ADCK1: variants seen among roughly 807,000 people sequenced by gnomAD.
ADCK1 encodes the protein aarF domain containing kinase 1, also known as aarF domain-containing protein kinase 1.
A neutral mutation model predicts 52.3 loss-of-function variants in ADCK1; 41 were observed. That is an observed-to-expected ratio of 0.78 (90% CI 0.61 to 1.02). The LOEUF (loss-of-function observed/expected upper bound fraction) is 1.02. ADCK1 is among the 50% of genes least tolerant of loss of function. The pLI, the probability that ADCK1 is intolerant of heterozygous loss-of-function variation, is 0.00. For missense variants in ADCK1, 658 were observed against 679.5 expected (o/e 0.97, Z 0.35); for synonymous variants, 250 against 274.6 (o/e 0.91, Z 0.89).
intron 7 of ADCK1, among the ~76,000 whole-genome samples, chr14:77,912,886 G>T (rs146124535): frequency 0.011 from 1,700 of 152,250 alleles, 33 homozygotes; most frequent in African/African-American, 0.038. Context: ...GGAAACAACA[G>T]TTTAGCAGGC....
intron 3 of ADCK1, among the ~76,000 whole-genome samples, chr14:77,828,818 C>A (rs908669737): frequency 1.3e-5 from 2 of 151,856 alleles, no homozygotes; most frequent in African/African-American, 4.8e-5. Flanking sequence ...TGAGCCACTG[C>A]GCCCAGCCAT....
At chr14:77,856,916 C>T (rs1244422547) in intron 3 of ADCK1, among the ~76,000 whole-genome samples, 1 of 151,920 alleles carries the variant, frequency 6.6e-6, no homozygotes, top group African/African-American at 2.4e-5. Context: ...GTAGGAGAAT[C>T]GCTTGTATCT....
At chr14:77,818,579 G>C (rs1448757859) in intron 1 of ADCK1, among the ~76,000 whole-genome samples, 1 of 152,144 alleles carries the variant, frequency 6.6e-6, no homozygotes, top group Non-Finnish European at 1.5e-5. Flanking sequence ...ACCATGCTCA[G>C]CCTCTCTCTG....
chr14:77,918,949 G>T (rs1208372410), intron 7 of ADCK1, among the ~76,000 whole-genome samples: 1 of 152,150 alleles, frequency 6.6e-6, no homozygotes, highest in Non-Finnish European at 1.5e-5. Context: ...CTGTTTTTCA[G>T]CTAATCCAGA....
In ADCK1 at chr14:77,887,269, C is replaced by T. The variant is rs1268382012; in HGVS notation, c.582+20C>T. Reference sequence around the variant, plus strand: ...ATGGAGGTGAGAGCCCTCCCTTTCTCCTTCCTGTGTCCTCAGTCTACATTT... The same window carrying T: ...ATGGAGGTGAGAGCCCTCCCTTTCTTCTTCCTGTGTCCTCAGTCTACATTT... On this transcript the variant is annotated intron_variant, in intron 5 of 10. Transcript: ENST00000238561. 3.2e-6 allele frequency: 5 copies of T among 1,541,718 alleles called. No homozygotes were observed. The East Asian group carries it at 7.1e-5, about 22-fold the overall frequency.
At chr14:77,928,704 C>G (rs1215581842) in intron 9 of ADCK1, among the ~76,000 whole-genome samples, 1 of 152,160 alleles carries the variant, frequency 6.6e-6, no homozygotes, top group African/African-American at 2.4e-5. Context: ...TTGTGATACA[C>G]CCATCTCGGC....
chr14:77,933,219 G>T lies in ADCK1; in HGVS notation c.1401-1G>T. On this transcript the variant is annotated splice_acceptor_variant, in intron 10 of 10. Coordinates refer to ENST00000238561, the MANE Select transcript of ADCK1 (RefSeq NM_020421.4). LOFTEE classifies it high-confidence loss of function. ...CTCCTTTTTTCTTTCCCTTTTTCCA[G>T]GCACAAGAAGAAGAATACCTGTTCA... 1.2e-6 allele frequency: 2 copies of T among 1,610,830 alleles called. No individual in the cohort carries two copies. Among genetic ancestry groups the T allele is most frequent in the Non-Finnish European group, 1.7e-6 (2 of 1,177,788 alleles).
Position 77,872,286 on chromosome 14 carries a change from C to A in ADCK1, c.423+13007C>A, listed in dbSNP as rs1174584630. Among the ~76,000 whole-genome samples, 3 of 152,290 alleles carry A rather than the reference C, an allele frequency of 2.0e-5. 1 individual carries two copies. In the South Asian group the frequency reaches 6.2e-4, roughly 32 times the overall value. On this transcript the variant is annotated intron_variant, in intron 4 of 10. Coordinates refer to ENST00000238561, the MANE Select transcript of ADCK1 (RefSeq NM_020421.4). ...AGCAGGATGGTGGCTGAGCCAGGAA[C>A]TGAGCTTGAGTGTCACCGGACTCCA...
intron 3 of ADCK1, among the ~76,000 whole-genome samples, chr14:77,837,153 C>CTT (rs148898631): frequency 0.12 from 16,344 of 140,844 alleles, 1,057 homozygotes; most frequent in Middle Eastern, 0.17. Flanking sequence ...CTTAAAAATT[C>CTT]TTTTTTTTTT....
In ADCK1 at chr14:77,903,680, C is replaced by A. The variant is rs182232113; in HGVS notation, c.742-4123C>A. Among the ~76,000 whole-genome samples, 134 of 152,122 alleles carry A rather than the reference C, an allele frequency of 8.8e-4. 2 individuals carry two copies. The highest frequency in any genetic ancestry group is 3.1e-3 in the African/African-American group (130 of 41,492). On this transcript the variant is annotated intron_variant, in intron 6 of 10. Coordinates refer to ENST00000238561, the MANE Select transcript of ADCK1 (RefSeq NM_020421.4). The stretch of plus-strand genomic sequence containing the variant: ...GGGTTTGGGACTGGAAGTGATGAGA[C>A]CATTTCTGTATGTGTGGAGGTGGGG...
At chr14:77,894,263 G>A (rs920051835) in intron 5 of ADCK1, among the ~76,000 whole-genome samples, 3 of 152,180 alleles carry the variant, frequency 2.0e-5, no homozygotes, top group Admixed American at 2.0e-4. Flanking sequence ...GGCAAGCTAT[G>A]TACATCACTC....
In ADCK1 at chr14:77,931,690, G is replaced by C. The variant is rs1351764518; in HGVS notation, c.1379G>C (p.Cys460Ser). The change falls in exon 10 of 11, where the codon TGC becomes TCC. Residue 460 changes from cysteine (C) to serine (S), a missense_variant. Physicochemically the swap from Cys to Ser is moderately radical, Grantham distance 112. Transcript: ENST00000238561. Reference protein sequence around the residue: ...SASSFLNMSRCCIRALAEHKK... With the variant: ...SASSFLNMSRSCIRALAEHKK... ...AGCTCCTTTCTCAACATGTCACGTT[G>C]CTGCATCAGAGCGCTAGCTGAGTGA... is the stretch of plus-strand genomic sequence containing the variant. 1 of 1,605,212 alleles carries C rather than the reference G, an allele frequency of 6.2e-7. No homozygotes were observed. Among genetic ancestry groups the C allele is most frequent in the Non-Finnish European group, 8.5e-7 (1 of 1,179,954 alleles).
intron 3 of ADCK1, among the ~76,000 whole-genome samples, chr14:77,825,236 G>A (rs942131344): frequency 2.0e-5 from 3 of 152,156 alleles, no homozygotes; most frequent in Non-Finnish European, 2.9e-5. Flanking sequence ...TAGCGATGAT[G>A]CGTAGGCCTG....
chr14:77,882,598 G>A (rs1051693448), intron 4 of ADCK1, among the ~76,000 whole-genome samples: 2 of 152,230 alleles, frequency 1.3e-5, no homozygotes, highest in African/African-American at 4.8e-5. Context: ...CCCCTTCCCT[G>A]AGGGCCCTGA....
chr14:77,876,198 G>A (rs1566690850), intron 4 of ADCK1, among the ~76,000 whole-genome samples: 1 of 152,162 alleles, frequency 6.6e-6, no homozygotes, highest in Admixed American at 6.5e-5. Context: ...AGGCTCTAGG[G>A]GAGATTCCCT....
At chr14:77,819,192 G>T (rs1174701778) in intron 2 of ADCK1, 79 bp downstream of exon 2, 1 of 1,558,524 alleles carries the variant, frequency 6.4e-7, no homozygotes, top group Non-Finnish European at 8.8e-7. Context: ...AGATAGACAT[G>T]CCTGCTATGC....
intron 1 of ADCK1, among the ~76,000 whole-genome samples, chr14:77,814,055 A>C (rs1237695990): frequency 6.6e-6 from 1 of 151,338 alleles, no homozygotes; most frequent in East Asian, 1.9e-4. Flanking sequence ...GGTGTGAGCC[A>C]CCACGCCGAG....
At chr14:77,847,964 C>T (rs904168274) in intron 3 of ADCK1, among the ~76,000 whole-genome samples, 2 of 152,124 alleles carry the variant, frequency 1.3e-5, no homozygotes, top group East Asian at 3.9e-4. Context: ...AGCTGGGGCT[C>T]AGCTGGGGAC....
At chr14:77,894,733 C>CTTTTTTTTTTTTT (rs1566710773) in intron 5 of ADCK1, among the ~76,000 whole-genome samples, 2 of 38,402 alleles carry the variant, frequency 5.2e-5, no homozygotes, top group Non-Finnish European at 1.2e-4. Context: ...CTTTTCTTTT[C>CTTTTTTTTTTTTT]TTGTTTTTTT....
Sources: allele counts gnomAD v4.1 joint callset (sites outside exome capture counted in the v4.1 genomes callset), GRCh38; gene constraint gnomAD v4.1.1; transcripts MANE v1.5; gene names NCBI Gene and HGNC (gene_info 2026-07-23, HGNC 2026-07-21).